The following TAFA2 variants were observed in gnomAD, a reference collection of about 807,000 sequenced individuals.
TAFA2 encodes the protein chemokine-like protein TAFA-2.
In TAFA2, 7 loss-of-function variants were observed where a neutral mutation model predicts 18.8. The ratio of observed to expected loss-of-function variants is 0.37; its 90% confidence interval spans 0.21 to 0.70. TAFA2 has a LOEUF of 0.70. Among genes scored for constraint, TAFA2 ranks in the 30% least tolerant of loss-of-function variants. The probability of loss-of-function intolerance (pLI) is 0.53; values close to 1 mark genes in which losing one functional copy is unlikely to be tolerated. For synonymous variants in TAFA2, 60 were observed against 54.2 expected, an observed-to-expected ratio of 1.11 and a Z score of -0.47; for missense variants, 122 against 158.1, an observed-to-expected ratio of 0.77 and a Z score of 1.23.
chr12:61,891,421 C>G (rs1051515287), intron 1 of TAFA2, among the ~76,000 whole-genome samples: 1 of 152,142 alleles, frequency 6.6e-6, no homozygotes, highest in East Asian at 1.9e-4. Flanking sequence ...CCGAGGTGGG[C>G]GGATCCCCTG....
intron 1 of TAFA2, among the ~76,000 whole-genome samples, chr12:62,041,010 T>G (rs1881742471): frequency 6.6e-6 from 1 of 152,142 alleles, no homozygotes; most frequent in Admixed American, 6.5e-5. Flanking sequence ...AACAAACACT[T>G]ATATGTCTAA....
chr12:62,229,277 G>A (rs1218246826), intron 1 of TAFA2, among the ~76,000 whole-genome samples: 1 of 151,802 alleles, frequency 6.6e-6, no homozygotes. Context: ...GTAAAAGTAG[G>A]CCTTTTTGTC....
At chr12:62,217,005 G>A (rs375552034) in intron 1 of TAFA2, among the ~76,000 whole-genome samples, 5 of 152,276 alleles carry the variant, frequency 3.3e-5, no homozygotes, top group South Asian at 4.1e-4. Context: ...TACAAGCTGC[G>A]ACATCCTCTC....
At chr12:62,190,856 A>G (rs1484351627) in intron 1 of TAFA2, among the ~76,000 whole-genome samples, 7 of 151,928 alleles carry the variant, frequency 4.6e-5, no homozygotes, top group Non-Finnish European at 7.4e-5. Flanking sequence ...GCGACCCCCA[A>G]CTCCTTATTA....
intron 1 of TAFA2, among the ~76,000 whole-genome samples, chr12:62,093,349 T>G (rs1162680556): frequency 6.6e-6 from 1 of 151,824 alleles, no homozygotes; most frequent in Admixed American, 6.6e-5. Context: ...GTAATATTAA[T>G]GATGGAAATG....
intron 2 of TAFA2, among the ~76,000 whole-genome samples, chr12:61,791,219 G>T (rs1870964609): frequency 6.6e-6 from 1 of 151,808 alleles, no homozygotes; most frequent in African/African-American, 2.4e-5. Flanking sequence ...ATGGATTAAA[G>T]ACTTAAATAT....
chr12:62,126,435 G>A (rs983634099), intron 1 of TAFA2, among the ~76,000 whole-genome samples: 5 of 152,176 alleles, frequency 3.3e-5, no homozygotes, highest in African/African-American at 1.2e-4. Context: ...GCCTTGGAAG[G>A]TAGAAATAGT....
chr12:61,891,140 C>T (rs543247217), intron 1 of TAFA2, among the ~76,000 whole-genome samples: 2 of 152,164 alleles, frequency 1.3e-5, no homozygotes, highest in African/African-American at 4.8e-5. Flanking sequence ...TAAATGAATA[C>T]CTAAATAAAC....
intron 1 of TAFA2, among the ~76,000 whole-genome samples, chr12:62,002,127 AC>A (rs1405736925): frequency 6.6e-6 from 1 of 152,200 alleles, no homozygotes; most frequent in Non-Finnish European, 1.5e-5. Context: ...GGGGAAGGTC[AC>A]TGCAATTAGG....
chr12:61,826,336 A>ACC (rs1019241217), intron 2 of TAFA2, among the ~76,000 whole-genome samples: 2 of 118,872 alleles, frequency 1.7e-5, no homozygotes, highest in Non-Finnish European at 3.5e-5. Flanking sequence ...TAATTAGTTC[A>ACC]TCTGTGTGTG....
intron 1 of TAFA2, among the ~76,000 whole-genome samples, chr12:61,923,094 G>C (rs1386137754): frequency 6.6e-6 from 1 of 152,208 alleles, no homozygotes; most frequent in South Asian, 2.1e-4. Flanking sequence ...AGCAGCCCCA[G>C]TCAGGGGCAT....
chr12:61,811,645 T>G (rs955755374), intron 2 of TAFA2, among the ~76,000 whole-genome samples: 2 of 151,392 alleles, frequency 1.3e-5, no homozygotes, highest in African/African-American at 4.9e-5. Context: ...ATTGTGAGAC[T>G]TTAGGTGAAA....
chr12:62,112,182 G>A (rs1565748278), intron 1 of TAFA2, among the ~76,000 whole-genome samples: 2 of 152,108 alleles, frequency 1.3e-5, no homozygotes, highest in African/African-American at 4.8e-5. Context: ...AGGCAGGTCT[G>A]GTGGTGACAA....
intron 1 of TAFA2, among the ~76,000 whole-genome samples, chr12:62,183,774 G>A (rs966703033): frequency 5.9e-5 from 9 of 152,174 alleles, no homozygotes; most frequent in African/African-American, 2.2e-4. Context: ...CTTTTCCAAG[G>A]ATTATAAATT....
At chr12:61,723,336 A>G (rs1439559151) in intron 4 of TAFA2, among the ~76,000 whole-genome samples, 1 of 152,172 alleles carries the variant, frequency 6.6e-6, no homozygotes, top group Non-Finnish European at 1.5e-5. Context: ...GATGCCTAAT[A>G]TTTATTAAAT....
intron 2 of TAFA2, among the ~76,000 whole-genome samples, chr12:61,778,249 T>G (rs1233219775): frequency 2.6e-5 from 4 of 151,866 alleles, no homozygotes; most frequent in African/African-American, 9.7e-5. Flanking sequence ...CCTTGACTAC[T>G]GTCTTGTACT....
intron 1 of TAFA2, among the ~76,000 whole-genome samples, chr12:62,040,813 T>A (rs1470428818): frequency 6.6e-6 from 1 of 152,134 alleles, no homozygotes; most frequent in Non-Finnish European, 1.5e-5. Flanking sequence ...TGCTATACCA[T>A]AGGACTGAAG....
At chr12:62,132,299 GAAA>G (rs3031069) in intron 1 of TAFA2, among the ~76,000 whole-genome samples, 71,698 of 147,418 alleles carry the variant, frequency 0.49, 17,388 homozygotes, top group African/African-American at 0.52. Flanking sequence ...ACAGTTAGCA[GAAA>G]AAAAAAAAAA....
chr12:62,183,595 G>A (rs2062565607), intron 1 of TAFA2, among the ~76,000 whole-genome samples: 1 of 152,110 alleles, frequency 6.6e-6, no homozygotes, highest in African/African-American at 2.4e-5. Context: ...ATATTGCCCA[G>A]GCTGGTCTCA....
Sources: gnomAD v4.1 joint callset for allele counts (sites outside exome capture counted in the v4.1 genomes callset) on GRCh38, gnomAD v4.1.1 for gene constraint, MANE v1.5 for transcripts, NCBI Gene and HGNC (gene_info 2026-07-23, HGNC 2026-07-21) for gene names.